Variants in TMEM114 observed in about 807,000 individuals in gnomAD.
TMEM114 encodes the protein transmembrane protein 114.
Under a neutral mutation model 6.2 loss-of-function variants are expected in TMEM114, and 6 were observed. The observed-to-expected ratio is 0.97, with a 90% CI of 0.53 to 1.91. TMEM114 has a LOEUF of 1.91. Among genes scored for constraint, TMEM114 ranks in the 40% most tolerant of loss-of-function variants. TMEM114 has a pLI of 0.01. For missense variants in TMEM114, 218 were observed against 158.3 expected, an observed-to-expected ratio of 1.38 and a Z score of -2.02; for synonymous variants, 104 against 73.0, an observed-to-expected ratio of 1.42 and a Z score of -2.16.
At chr16:8,543,601 A>T (rs1900579508) in intron 2 of TMEM114, among the ~76,000 whole-genome samples, 2 of 152,030 alleles carry the variant, frequency 1.3e-5, no homozygotes, top group Admixed American at 1.3e-4. Context: ...CTCAGCTCAG[A>T]TGTCATCTCC....
chr16:8,587,906 T>C (rs1902364131), intron 2 of TMEM114, among the ~76,000 whole-genome samples: 1 of 151,324 alleles, frequency 6.6e-6, no homozygotes, highest in African/African-American at 2.4e-5. Context: ...TCCCAAGACT[T>C]TGGGAGGCCA....
At chr16:8,576,721 AGGAAGGAAGGAAG>A (rs1040506920) in intron 2 of TMEM114, among the ~76,000 whole-genome samples, 4 of 109,116 alleles carry the variant, frequency 3.7e-5, no homozygotes, top group Non-Finnish European at 5.8e-5. Context: ...GAAGGAAGGA[AGGAAGGAAGGAAG>A]GAAGGAAGGA....
At position 8,554,609 on chromosome 16, in the gene TMEM114, C is replaced by A. The variant is rs554122390; in HGVS notation, n.213-16783G>T. Among the ~76,000 whole-genome samples, 8 of 152,264 alleles carry A rather than the reference C, an allele frequency of 5.3e-5. No individual in the cohort carries two copies. In the South Asian group the frequency reaches 1.5e-3, roughly 28 times the overall value. Reference sequence around the variant, plus strand: ...TCCCCACGGACAGTGTCTGCTGGTGCATACTAAGTCTTCCATAATATTTGC... The same window carrying A: ...TCCCCACGGACAGTGTCTGCTGGTGAATACTAAGTCTTCCATAATATTTGC... On this transcript the variant is annotated intron_variant and non_coding_transcript_variant, in intron 2 of 2. Coordinates refer to the TMEM114 transcript ENST00000623677.
In TMEM114 at chr16:8,571,736, T is replaced by G. The variant is rs551520433; in HGVS notation, c.439+351A>C. 8.5e-5 allele frequency among the ~76,000 whole-genome samples: 13 copies of G among 152,272 alleles called. No individual in the cohort carries two copies. In the South Asian group the frequency reaches 2.7e-3, roughly 32 times the overall value. ...TCAAAGCAGTATCTATCAGAATGGC[T>G]GATCAGCAGAATAGAGCGAGGGTGG... On this transcript the variant is annotated intron_variant, in intron 3 of 3. Transcript: ENST00000620492.
chr16:8,545,371 G>C (rs1003803889), intron 2 of TMEM114, among the ~76,000 whole-genome samples: 8 of 151,706 alleles, frequency 5.3e-5, no homozygotes, highest in African/African-American at 1.2e-4. Context: ...AGGAGGTTGA[G>C]GTTGCAGTGA....
chr16:8,534,333 T>G (rs142414158), downstream of TMEM114, among the ~76,000 whole-genome samples: 58 of 147,124 alleles, frequency 3.9e-4, no homozygotes, highest in East Asian at 0.011. Flanking sequence ...CATTAAAATT[T>G]AATGCAATTT....
intron 2 of TMEM114, among the ~76,000 whole-genome samples, chr16:8,575,429 G>A (rs1256732564): frequency 6.6e-6 from 1 of 152,176 alleles, no homozygotes; most frequent in Non-Finnish European, 1.5e-5. Flanking sequence ...TCACACTTTT[G>A]AGAATCAAAC....
chr16:8,573,576 T>G (rs547099463), intron 2 of TMEM114, among the ~76,000 whole-genome samples: 5 of 148,146 alleles, frequency 3.4e-5, no homozygotes, highest in Admixed American at 2.0e-4. Context: ...AGTGCAAAGT[T>G]TTTTTTTTAT....
At chr16:8,542,493 G>C (rs762054147) in intron 2 of TMEM114, among the ~76,000 whole-genome samples, 6 of 152,166 alleles carry the variant, frequency 3.9e-5, no homozygotes, top group African/African-American at 1.4e-4. Flanking sequence ...GTTTGCAAAG[G>C]ATTGGGCCTG....
At chr16:8,577,678 G>C (rs1901988518) in intron 2 of TMEM114, among the ~76,000 whole-genome samples, 1 of 151,896 alleles carries the variant, frequency 6.6e-6, no homozygotes, top group Non-Finnish European at 1.5e-5. Context: ...CCACTTCCTG[G>C]GTTCAAGCAA....
chr16:8,545,180 G>C (rs1003692421), intron 2 of TMEM114, among the ~76,000 whole-genome samples: 1 of 152,112 alleles, frequency 6.6e-6, no homozygotes, highest in Non-Finnish European at 1.5e-5. Flanking sequence ...GCTCACACCT[G>C]TAATCCCAAC....
chr16:8,547,161 G>A (rs114163487), intron 2 of TMEM114, among the ~76,000 whole-genome samples: 127 of 152,184 alleles, frequency 8.3e-4, no homozygotes, highest in African/African-American at 3.0e-3. Context: ...AAGGGGGGTC[G>A]TCAAGGAATT....
downstream of TMEM114, among the ~76,000 whole-genome samples, chr16:8,535,996 C>T (rs936991611): frequency 2.6e-5 from 4 of 152,080 alleles, no homozygotes; most frequent in South Asian, 2.1e-4. Flanking sequence ...GAGGTCGAGG[C>T]GGGCAGATCA....
chr16:8,526,581 C>T, the TMEM114 span: 1 of 151,656 alleles, frequency 6.6e-6, no homozygotes, highest in South Asian at 2.1e-4. Flanking sequence ...TATTTTGTAT[C>T]GCGATCAAGA....
chr16:8,584,542 G>A (rs569119232), intron 2 of TMEM114, among the ~76,000 whole-genome samples: 5 of 152,230 alleles, frequency 3.3e-5, no homozygotes, highest in African/African-American at 1.2e-4. Flanking sequence ...ACCTGTTTAA[G>A]GACCTGATAT....
In TMEM114 at chr16:8,570,017, G is replaced by T; in HGVS notation, c.440-12C>A. 2 of 1,544,648 alleles carry T rather than the reference G, an allele frequency of 1.3e-6. No individual in the cohort carries two copies. Among genetic ancestry groups the T allele is most frequent in the Non-Finnish European group, 1.8e-6 (2 of 1,142,276 alleles). ...GAGGGTCACCATGGCTGCAGGGAGGGCAAAGGGAGAGCAGATCAATCCCCC... is the reference window on the plus strand; with the variant it reads ...GAGGGTCACCATGGCTGCAGGGAGGTCAAAGGGAGAGCAGATCAATCCCCC... On this transcript the variant is annotated splice_polypyrimidine_tract_variant and intron_variant, in intron 3 of 3. Coordinates refer to ENST00000620492, the MANE Select transcript of TMEM114 (RefSeq NM_001146336.2).
intron 2 of TMEM114, among the ~76,000 whole-genome samples, chr16:8,563,701 G>GCA (rs1901383408): frequency 6.7e-6 from 1 of 148,744 alleles, no homozygotes; most frequent in African/African-American, 2.6e-5. Flanking sequence ...GAGTGAGTTA[G>GCA]TGAATGAGTG....
At chr16:8,572,493 T>A (rs959216614) in intron 2 of TMEM114, among the ~76,000 whole-genome samples, 16 of 152,194 alleles carry the variant, frequency 1.1e-4, no homozygotes, top group African/African-American at 3.9e-4. Flanking sequence ...TGAAGTACAG[T>A]GGCACGACCA....
At chr16:8,579,588 C>CT (rs2141694439) in intron 2 of TMEM114, among the ~76,000 whole-genome samples, 1 of 152,258 alleles carries the variant, frequency 6.6e-6, no homozygotes, top group South Asian at 2.1e-4. Context: ...CAAATCCTGA[C>CT]TCCGCCTCTT....
Sources: allele counts gnomAD v4.1 joint callset (sites outside exome capture counted in the v4.1 genomes callset), GRCh38; gene constraint gnomAD v4.1.1; transcripts MANE v1.5; gene names NCBI Gene and HGNC (gene_info 2026-07-23, HGNC 2026-07-21).